TRPM3: variants seen among roughly 807,000 people sequenced by gnomAD.
The protein encoded by TRPM3 is transient receptor potential cation channel subfamily M member 3, also known as long transient receptor potential channel 3.
TRPM3 carries 77 observed loss-of-function variants against 181.2 expected under a neutral mutation model. The ratio of observed to expected loss-of-function variants is 0.42; its 90% CI spans 0.35 to 0.51. The LOEUF (loss-of-function observed/expected upper bound fraction) is 0.51, where lower values mean the gene tolerates loss of function less well. Among genes scored for constraint, TRPM3 ranks in the 20% least tolerant of loss-of-function variants. The pLI is 0.01. For synonymous variants in TRPM3, 745 were observed against 796.4 expected (o/e 0.94, Z 1.09); for missense variants, 1,759 against 2,196.7 (o/e 0.80, Z 3.98).
intron 20 of TRPM3, among the ~76,000 whole-genome samples, chr9:70,602,993 C>T (rs907692141): frequency 1.3e-5 from 2 of 152,054 alleles, no homozygotes; most frequent in African/African-American, 2.4e-5. Flanking sequence ...AGACTGTGTC[C>T]GAAGACACCC....
chr9:70,625,355 C>T lies in TRPM3; in HGVS notation c.1669-24G>A. The T allele has an allele frequency of 6.2e-7, 1 of 1,613,242 alleles. No homozygotes were observed. Among genetic ancestry groups the T allele is most frequent in the Non-Finnish European group, 8.5e-7 (1 of 1,179,500 alleles). On this transcript the variant is annotated intron_variant, in intron 13 of 25. Coordinates refer to ENST00000677713, the MANE Select transcript of TRPM3 (RefSeq NM_001366145.2). The surrounding 1 kb of genome is among the most constrained non-coding windows in gnomAD (Gnocchi z 4.8). ...CCCTATCAGGGTAGAATGAAACAAA[C>T]AGACAAATCCAAAAGACAACGTGGT... is the stretch of plus-strand genomic sequence containing the variant.
chr9:70,902,799 G>A (rs1486037558), intron 1 of TRPM3, among the ~76,000 whole-genome samples: 1 of 152,204 alleles, frequency 6.6e-6, no homozygotes, highest in Non-Finnish European at 1.5e-5. Flanking sequence ...CTCACACATA[G>A]TAATGTTTTA....
In TRPM3 at chr9:70,566,171, T is replaced by C. The variant is rs565912848; in HGVS notation, c.3224-12861A>G. On this transcript the variant is annotated intron_variant, in intron 22 of 25. Coordinates refer to ENST00000677713, the MANE Select transcript of TRPM3 (RefSeq NM_001366145.2). ...CAGGCTGTCAGTAGGTGATAAATGC[T>C]GTGGGAGAAAGTACAGAATACAGGG... Among the ~76,000 whole-genome samples, 4 of 152,244 alleles carry C rather than the reference T, an allele frequency of 2.6e-5. No individual in the cohort carries two copies. The South Asian group carries it at 8.3e-4, about 32-fold the overall frequency.
At chr9:70,974,054 A>G (rs1035132949) in intron 1 of TRPM3, among the ~76,000 whole-genome samples, 1 of 152,206 alleles carries the variant, frequency 6.6e-6, no homozygotes. Flanking sequence ...TTAACTACCT[A>G]CTAACTAAAG....
intron 1 of TRPM3, among the ~76,000 whole-genome samples, chr9:70,875,664 T>A (rs1564663364): frequency 1.3e-5 from 2 of 152,042 alleles, no homozygotes; most frequent in East Asian, 3.9e-4. Context: ...TTTTGCCTCA[T>A]CCCCTACTAA....
At chr9:71,251,062 G>T (rs1212041428) in intron 1 of TRPM3, among the ~76,000 whole-genome samples, 1 of 152,086 alleles carries the variant, frequency 6.6e-6, no homozygotes, top group Non-Finnish European at 1.5e-5. Context: ...ATGGATGGAT[G>T]GGAAGATAAG....
intron 1 of TRPM3, among the ~76,000 whole-genome samples, chr9:70,933,216 T>A (rs2096792513): frequency 6.6e-6 from 1 of 152,106 alleles, no homozygotes; most frequent in African/African-American, 2.4e-5. Context: ...GACAGTTGGG[T>A]GTGTGATACG....
intron 1 of TRPM3, among the ~76,000 whole-genome samples, chr9:71,287,133 A>C (rs2085367447): frequency 6.8e-6 from 1 of 146,394 alleles, no homozygotes; most frequent in South Asian, 2.1e-4. Context: ...GGTAATATAT[A>C]ATAAAAATAT....
At chr9:70,917,216 G>A (rs1346948674) in intron 1 of TRPM3, 11 of 1,589,222 alleles carry the variant, frequency 6.9e-6, no homozygotes, top group Non-Finnish European at 8.6e-6. Flanking sequence ...GTCCTGGATT[G>A]CAAAATACAG....
intron 1 of TRPM3, among the ~76,000 whole-genome samples, chr9:70,868,379 A>C (rs1256258548): frequency 6.6e-6 from 1 of 152,096 alleles, no homozygotes; most frequent in Non-Finnish European, 1.5e-5. Context: ...GCAACTACTA[A>C]TTTTGAAAGT....
In TRPM3 at chr9:71,326,285, A is replaced by C. The variant is rs143697613; in HGVS notation, c.183+120368T>G. ...AAATCAAGAAACATCAGAGCTAGAGAAAAGCCAAAAGACTACTGCATACAT... is the reference window on the plus strand; with the variant it reads ...AAATCAAGAAACATCAGAGCTAGAGCAAAGCCAAAAGACTACTGCATACAT... On this transcript the variant is annotated intron_variant, in intron 1 of 24. Coordinates refer to the TRPM3 transcript ENST00000357533. Among the ~76,000 whole-genome samples the C allele has an allele frequency of 4.4e-3, 667 of 152,350 alleles. 8 individuals are homozygous for C. The highest frequency in any genetic ancestry group is 0.015 in the African/African-American group (638 of 41,584).
chr9:71,408,349 A>T (rs564170464), intron 1 of TRPM3, among the ~76,000 whole-genome samples: 1 of 152,226 alleles, frequency 6.6e-6, no homozygotes, highest in East Asian at 1.9e-4. Flanking sequence ...AAAGCTAAAA[A>T]CCTTGAAAAA....
chr9:70,927,650 G>A (rs1224465149), intron 1 of TRPM3, among the ~76,000 whole-genome samples: 4 of 152,080 alleles, frequency 2.6e-5, no homozygotes, highest in African/African-American at 7.2e-5. Context: ...TTCTCTTCTA[G>A]CATTTCTCTT....
Position 70,783,642 on chromosome 9 carries a change from G to A in TRPM3, c.1148+463C>T, listed in dbSNP as rs576483276. Among the ~76,000 whole-genome samples, 3 of 152,198 alleles carry A rather than the reference G, an allele frequency of 2.0e-5. No individual in the cohort carries two copies. The South Asian group carries it at 6.2e-4, about 32-fold the overall frequency. ...CCCGTCTAGAGAAGCCTGATGGCAC[G>A]ATCTACCACATATCTTCACAGTGGC... On this transcript the variant is annotated intron_variant, in intron 7 of 25. Transcript: ENST00000677713.
chr9:70,901,069 C>T (rs1394380360), intron 1 of TRPM3, among the ~76,000 whole-genome samples: 1 of 152,128 alleles, frequency 6.6e-6, no homozygotes, highest in Non-Finnish European at 1.5e-5. Context: ...TTGTAAACTG[C>T]CTTGTTCCAG....
At chr9:70,864,309 C>T in intron 2 of TRPM3, 123 bp downstream of exon 2, 3 of 624,068 alleles carry the variant, frequency 4.8e-6, no homozygotes, top group South Asian at 3.7e-5. Flanking sequence ...CAAAGATGTC[C>T]AGAAACAATA....
chr9:70,803,451 GTT>G (rs36024262), intron 6 of TRPM3, among the ~76,000 whole-genome samples: 22,424 of 125,044 alleles, frequency 0.18, 1,741 homozygotes, highest in African/African-American at 0.29. Flanking sequence ...CGTTTTTGTT[GTT>G]TTTTTTTTTT....
intron 1 of TRPM3, among the ~76,000 whole-genome samples, chr9:70,954,824 G>A (rs1310310263): frequency 7.9e-5 from 12 of 151,802 alleles, no homozygotes; most frequent in Admixed American, 7.9e-4. Flanking sequence ...GCTTCCTGGG[G>A]TCCCTTGCCA....
At chr9:71,354,198 G>T (rs760008360) in intron 1 of TRPM3, among the ~76,000 whole-genome samples, 46 of 152,162 alleles carry the variant, frequency 3.0e-4, no homozygotes, top group Admixed American at 8.5e-4. Context: ...AACTCTGGGA[G>T]AGAGTCAATA....
Sources: allele counts gnomAD v4.1 joint callset (sites outside exome capture counted in the v4.1 genomes callset), GRCh38; gene constraint gnomAD v4.1.1; non-coding constraint Gnocchi (gnomAD v3.1); transcripts MANE v1.5; gene names NCBI Gene and HGNC (gene_info 2026-07-23, HGNC 2026-07-21).